The following DOCK3 variants were observed in gnomAD, a reference collection of about 807,000 sequenced individuals.
The protein encoded by DOCK3 is dedicator of cytokinesis protein 3.
Under a neutral mutation model 265.6 loss-of-function variants are expected in DOCK3, and 60 were observed. That is an observed-to-expected ratio of 0.23 (90% CI 0.18 to 0.28). The LOEUF (loss-of-function observed/expected upper bound fraction) is 0.28. Ranked by LOEUF, DOCK3 falls within the 10% of genes least tolerant of loss-of-function variation. The pLI is 1.00. For synonymous variants in DOCK3, 881 were observed against 938.0 expected (o/e 0.94, Z 1.11); for missense variants, 1,981 against 2,594.3 (o/e 0.76, Z 5.14).
At chr3:50,932,449 A>G (rs866530350) in intron 4 of DOCK3, among the ~76,000 whole-genome samples, 6 of 152,142 alleles carry the variant, frequency 3.9e-5, no homozygotes, top group African/African-American at 9.7e-5. Flanking sequence ...AGTTACCTCA[A>G]TATATCAGTA....
intron 48 of DOCK3, among the ~76,000 whole-genome samples, 182 bp downstream of exon 48, chr3:51,362,179 C>G (rs2110353977): frequency 6.6e-6 from 1 of 152,348 alleles, no homozygotes; most frequent in South Asian, 2.1e-4. Flanking sequence ...AGTCTCGGTT[C>G]CCAGGCCTTA....
chr3:51,154,178 G>A (rs1448455794), intron 10 of DOCK3, among the ~76,000 whole-genome samples: 4 of 152,198 alleles, frequency 2.6e-5, no homozygotes, highest in African/African-American at 7.2e-5. Flanking sequence ...AACATCAAAT[G>A]ATGTTACTGC....
intron 12 of DOCK3, among the ~76,000 whole-genome samples, chr3:51,164,739 T>C (rs1202949110): frequency 1.3e-5 from 2 of 151,766 alleles, no homozygotes; most frequent in Non-Finnish European, 2.9e-5. Context: ...AAATTAAAAA[T>C]GTAAAGAAAT....
chr3:51,090,163 A>G, intron 8 of DOCK3, 67 bp from the exon 9 acceptor site: 1 of 1,452,148 alleles, frequency 6.9e-7, no homozygotes, highest in Non-Finnish European at 9.2e-7. Flanking sequence ...TTTAGTTTCC[A>G]CTTTTTAATG....
chr3:50,823,148 T>TTTTA (rs1030825510), intron 2 of DOCK3, among the ~76,000 whole-genome samples: 5 of 151,596 alleles, frequency 3.3e-5, no homozygotes, highest in African/African-American at 7.3e-5. Flanking sequence ...TTTATTTTTA[T>TTTTA]TTTATTTATT....
At chr3:50,804,599 C>T (rs988374727) in intron 2 of DOCK3, among the ~76,000 whole-genome samples, 7 of 152,036 alleles carry the variant, frequency 4.6e-5, no homozygotes, top group South Asian at 2.1e-4. Flanking sequence ...ACCAGTCAGG[C>T]GTGGCGGCTG....
intron 5 of DOCK3, among the ~76,000 whole-genome samples, chr3:51,008,305 A>T (rs1303383399): frequency 6.6e-6 from 1 of 152,138 alleles, no homozygotes; most frequent in East Asian, 1.9e-4. Context: ...TTCATTGAGC[A>T]GTGGTTTGTA....
chr3:51,129,214 C>T (rs2106905698), intron 9 of DOCK3, among the ~76,000 whole-genome samples: 1 of 152,344 alleles, frequency 6.6e-6, no homozygotes, highest in Non-Finnish European at 1.5e-5. Flanking sequence ...TGCAGTTCTG[C>T]CCACTGGGAA....
At chr3:50,839,369 A>G (rs886531518) in intron 2 of DOCK3, among the ~76,000 whole-genome samples, 1 of 152,174 alleles carries the variant, frequency 6.6e-6, no homozygotes, top group Non-Finnish European at 1.5e-5. Context: ...GGATTACTCA[A>G]TCGTATGGTA....
At chr3:51,092,670 C>CA (rs2082682561) in intron 9 of DOCK3, among the ~76,000 whole-genome samples, 1 of 152,180 alleles carries the variant, frequency 6.6e-6, no homozygotes, top group African/African-American at 2.4e-5. Flanking sequence ...TGCTAAGGGT[C>CA]AGACTGCCTC....
chr3:50,786,595 A>G (rs1307625876), intron 2 of DOCK3: 7 of 555,700 alleles, frequency 1.3e-5, no homozygotes, highest in Middle Eastern at 5.9e-4. Flanking sequence ...TTCTCTGCCA[A>G]CTGCCACAGA....
chr3:50,767,251 G>T (rs2040950315), intron 1 of DOCK3, among the ~76,000 whole-genome samples: 1 of 152,060 alleles, frequency 6.6e-6, no homozygotes, highest in Non-Finnish European at 1.5e-5. Flanking sequence ...TATGGTTTTA[G>T]GTCTAACATT....
At chr3:51,198,282 T>A (rs764293218) in intron 12 of DOCK3, among the ~76,000 whole-genome samples, 9 of 152,234 alleles carry the variant, frequency 5.9e-5, no homozygotes, top group Non-Finnish European at 1.3e-4. Context: ...CAGAACTGCT[T>A]AACCACGGGT....
At chr3:50,887,321 C>T (rs1430479626) in intron 3 of DOCK3, among the ~76,000 whole-genome samples, 1 of 148,290 alleles carries the variant, frequency 6.7e-6, no homozygotes, top group Non-Finnish European at 1.5e-5. Flanking sequence ...AGGAAGAAGT[C>T]GAATCCCTGA....
intron 17 of DOCK3, 49 bp from the exon 18 acceptor site, chr3:51,228,612 G>A: frequency 1.3e-6 from 2 of 1,559,904 alleles, no homozygotes; most frequent in Non-Finnish European, 1.7e-6. Context: ...CCTGGTTTTT[G>A]CATGTTGCAT....
At chr3:50,770,404 A>G (rs2041198629) in intron 1 of DOCK3, among the ~76,000 whole-genome samples, 1 of 152,054 alleles carries the variant, frequency 6.6e-6, no homozygotes, top group Non-Finnish European at 1.5e-5. Flanking sequence ...AGATCTCCAT[A>G]ATGAAAACTA....
chr3:51,090,428 G>T (rs1399556386), intron 9 of DOCK3, 44 bp downstream of exon 9: 1 of 1,563,208 alleles, frequency 6.4e-7, no homozygotes, highest in South Asian at 1.2e-5. Flanking sequence ...TGTTAGGATG[G>T]TATGGGTCAT....
intron 9 of DOCK3, among the ~76,000 whole-genome samples, chr3:51,107,159 C>T (rs143551991): frequency 3.4e-4 from 52 of 152,226 alleles, no homozygotes; most frequent in African/African-American, 1.1e-3. Flanking sequence ...ATATCACAAT[C>T]AAACCCCCAA....
intron 5 of DOCK3, among the ~76,000 whole-genome samples, chr3:50,963,476 C>T (rs138069949): frequency 1.2e-3 from 190 of 152,204 alleles, no homozygotes; most frequent in African/African-American, 4.2e-3. Context: ...CAGAATAACA[C>T]ATCATGACCA....
Sources: allele counts gnomAD v4.1 joint callset (sites outside exome capture counted in the v4.1 genomes callset), GRCh38; gene constraint gnomAD v4.1.1; transcripts MANE v1.5; gene names NCBI Gene and HGNC (gene_info 2026-07-23, HGNC 2026-07-21).